Variants in MSRA observed in about 807,000 individuals in gnomAD.
MSRA encodes the protein methionine sulfoxide reductase A.
In MSRA, 54 loss-of-function variants were observed where a neutral mutation model predicts 31.3. That is an observed-to-expected ratio of 1.73 (90% confidence interval 1.39 to 2.17). The LOEUF is 2.17. Ranked by LOEUF, MSRA falls within the 30% of genes most tolerant of loss-of-function variation. MSRA has a pLI of 0.00. For missense variants in MSRA, 507 were observed against 300.9 expected (o/e 1.69, Z -5.07); for synonymous variants, 169 against 116.5 (o/e 1.45, Z -2.90).
intron 5 of MSRA, among the ~76,000 whole-genome samples, chr8:10,336,222 C>A (rs898715083): frequency 6.6e-6 from 1 of 152,062 alleles, no homozygotes; most frequent in Non-Finnish European, 1.5e-5. Context: ...AACACAAAAT[C>A]TTTTAATAAA....
intron 1 of MSRA, among the ~76,000 whole-genome samples, chr8:10,093,863 G>C (rs1382052579): frequency 2.0e-5 from 3 of 152,168 alleles, no homozygotes; most frequent in African/African-American, 4.8e-5. Flanking sequence ...CATTTTCAAA[G>C]AATAGTTTTG....
chr8:10,178,827 A>C (rs764781703), intron 1 of MSRA, among the ~76,000 whole-genome samples: 1 of 152,204 alleles, frequency 6.6e-6, no homozygotes, highest in Non-Finnish European at 1.5e-5. Flanking sequence ...GGGAAATAAA[A>C]TAACTGTTGT....
intron 1 of MSRA, among the ~76,000 whole-genome samples, chr8:10,200,111 T>C (rs921394131): frequency 6.6e-6 from 1 of 152,172 alleles, no homozygotes; most frequent in East Asian, 1.9e-4. Context: ...GGGGGTTGCC[T>C]GAGCTGGGCA....
intron 4 of MSRA, among the ~76,000 whole-genome samples, chr8:10,306,278 T>G (rs1036294396): frequency 3.3e-5 from 5 of 152,250 alleles, no homozygotes; most frequent in African/African-American, 1.2e-4. Flanking sequence ...GCCGACTTAA[T>G]GGTCTGATGT....
intron 1 of MSRA, among the ~76,000 whole-genome samples, chr8:10,097,193 A>C (rs898203967): frequency 1.3e-5 from 2 of 152,222 alleles, no homozygotes; most frequent in African/African-American, 4.8e-5. Context: ...AAATATATGA[A>C]ATCTAACAGA....
At chr8:10,329,783 G>A (rs1236826748) in intron 5 of MSRA, among the ~76,000 whole-genome samples, 1 of 151,342 alleles carries the variant, frequency 6.6e-6, no homozygotes, top group Non-Finnish European at 1.5e-5. Flanking sequence ...AACACACTCA[G>A]GTTTCCCAGC....
intron 1 of MSRA, among the ~76,000 whole-genome samples, chr8:10,111,386 C>T (rs1251393481): frequency 6.6e-6 from 1 of 152,180 alleles, no homozygotes; most frequent in East Asian, 1.9e-4. Flanking sequence ...CTTGGGGCCA[C>T]TTATTCTTGT....
chr8:10,351,517 G>A (rs772565646), intron 5 of MSRA, among the ~76,000 whole-genome samples: 2 of 152,196 alleles, frequency 1.3e-5, no homozygotes, highest in Non-Finnish European at 2.9e-5. Context: ...CTCCCAAAGT[G>A]CTGGGATTAT....
rs543837748 is a variant in MSRA at position 10,281,658 on chromosome 8, G to A, written c.332-19876G>A. On this transcript the variant is annotated intron_variant, in intron 3 of 5. Transcript: ENST00000317173. ...GACGATTTCCGGCATGTGCTACAGGGGAAAATGGTATCAAATCTACACAAT... is the reference window on the plus strand; with the variant it reads ...GACGATTTCCGGCATGTGCTACAGGAGAAAATGGTATCAAATCTACACAAT... Among the ~76,000 whole-genome samples the A allele has an allele frequency of 4.0e-4, 61 of 152,010 alleles. 1 individual carries two copies. In the South Asian group the frequency reaches 0.012, roughly 30 times the overall value.
intron 3 of MSRA, among the ~76,000 whole-genome samples, chr8:10,271,748 T>C (rs141619893): frequency 0.013 from 1,970 of 150,280 alleles, 46 homozygotes; most frequent in African/African-American, 0.046. Context: ...GATGGACTTT[T>C]GCTCTTGTCG....
chr8:10,104,945 G>T (rs1799782095), intron 1 of MSRA, among the ~76,000 whole-genome samples: 1 of 152,166 alleles, frequency 6.6e-6, no homozygotes, highest in South Asian at 2.1e-4. Flanking sequence ...TTCACCAACA[G>T]TTGGTAGTAC....
intron 3 of MSRA, among the ~76,000 whole-genome samples, chr8:10,262,619 T>C (rs1403883950): frequency 3.9e-5 from 6 of 152,214 alleles, no homozygotes; most frequent in Admixed American, 6.5e-5. Flanking sequence ...TTATCAGATA[T>C]GTGACTTGAG....
chr8:10,166,397 C>T (rs1025068076), intron 1 of MSRA, among the ~76,000 whole-genome samples: 6 of 152,040 alleles, frequency 3.9e-5, no homozygotes, highest in Non-Finnish European at 8.8e-5. Context: ...AGTGTGTGCT[C>T]ATATGTGTGT....
chr8:10,387,789 G>C (rs944544800), intron 5 of MSRA, among the ~76,000 whole-genome samples: 9 of 152,220 alleles, frequency 5.9e-5, no homozygotes, highest in South Asian at 4.1e-4. Flanking sequence ...GAGATTCCTA[G>C]GGAGGGGCTC....
intron 5 of MSRA, among the ~76,000 whole-genome samples, chr8:10,321,602 C>T (rs1251166091): frequency 6.6e-6 from 1 of 152,162 alleles, no homozygotes; most frequent in Admixed American, 6.5e-5. Flanking sequence ...TAGCAACTCA[C>T]TTCTAATGAA....
rs1292510116 is a variant in MSRA at position 10,054,671 on chromosome 8, C to A, written c.142+13C>A. 1.3e-6 allele frequency: 2 copies of A among 1,506,486 alleles called. No individual in the cohort carries two copies. Among genetic ancestry groups the A allele is most frequent in the African/African-American group, 1.4e-5 (1 of 69,534 alleles). 93.3% of individuals were successfully genotyped at this position (1,506,486 alleles called of 1,614,324 possible). On this transcript the variant is annotated intron_variant, in intron 1 of 5. Coordinates refer to ENST00000317173, the MANE Select transcript of MSRA (RefSeq NM_012331.5). ...ACCCCTGTAGCGGGTAAGCACTGGCCACACGGAAGGCGCGGGCGGCGACGC... is the reference window on the plus strand; with the variant it reads ...ACCCCTGTAGCGGGTAAGCACTGGCAACACGGAAGGCGCGGGCGGCGACGC...
intron 3 of MSRA, among the ~76,000 whole-genome samples, chr8:10,257,828 C>T (rs539940621): frequency 2.0e-5 from 3 of 152,236 alleles, no homozygotes; most frequent in Non-Finnish European, 4.4e-5. Context: ...GGATGTAATT[C>T]TATTTTTCTG....
intron 4 of MSRA, among the ~76,000 whole-genome samples, chr8:10,313,690 C>T (rs564843935): frequency 1.3e-5 from 2 of 152,118 alleles, no homozygotes; most frequent in East Asian, 1.9e-4. Flanking sequence ...AAGCTAATCT[C>T]GACATTTATA....
intron 4 of MSRA, among the ~76,000 whole-genome samples, chr8:10,316,824 G>C (rs1801754302): frequency 6.6e-6 from 1 of 152,180 alleles, no homozygotes; most frequent in African/African-American, 2.4e-5. Context: ...GTGAAGGATA[G>C]AGGCTCATCC....
Sources: allele counts gnomAD v4.1 joint callset (sites outside exome capture counted in the v4.1 genomes callset), GRCh38; gene constraint gnomAD v4.1.1; transcripts MANE v1.5; gene names NCBI Gene and HGNC (gene_info 2026-07-23, HGNC 2026-07-21).